Variants in IPCEF1 observed in about 807,000 individuals in gnomAD.
IPCEF1 encodes interactor protein for cytohesin exchange factors 1.
In IPCEF1, 31 loss-of-function variants were observed where a neutral mutation model predicts 50.9. The observed-to-expected ratio is 0.61, with a 90% CI of 0.46 to 0.82. The LOEUF (loss-of-function observed/expected upper bound fraction) is 0.82. Ranked by LOEUF, IPCEF1 falls within the 40% of genes least tolerant of loss-of-function variation. The pLI, the probability that IPCEF1 is intolerant of heterozygous loss-of-function variation, is 0.00. For missense variants in IPCEF1, 458 were observed against 514.0 expected, an observed-to-expected ratio of 0.89 and a Z score of 1.05; for synonymous variants, 181 against 192.0, an observed-to-expected ratio of 0.94 and a Z score of 0.47.
At chr6:154,214,341 C>A in intron 7 of IPCEF1, 65 bp from the exon 8 acceptor site, 1 of 1,081,854 alleles carries the variant, frequency 9.2e-7, no homozygotes, top group Non-Finnish European at 1.4e-6. Context: ...TCACCTTCCC[C>A]CAGAGTTTGT....
intron 2 of IPCEF1, among the ~76,000 whole-genome samples, chr6:154,267,016 C>T (rs1395089921): frequency 6.6e-6 from 1 of 152,024 alleles, no homozygotes; most frequent in Non-Finnish European, 1.5e-5. Flanking sequence ...GTAATGGAAA[C>T]TCCTTTTTCA....
intron 1 of IPCEF1, among the ~76,000 whole-genome samples, chr6:154,354,506 T>TCTCCTCCACCAC (rs1584018981): frequency 6.0e-4 from 22 of 36,692 alleles, no homozygotes; most frequent in African/African-American, 1.8e-3. Flanking sequence ...ACTTCCACCA[T>TCTCCTCCACCAC]CACCTCTACC....
At chr6:154,241,234 C>CAAAAAAAAAAAAAAAAAAAAAAAAAAAAA (rs11308882) in intron 5 of IPCEF1, among the ~76,000 whole-genome samples, 1 of 79,234 alleles carries the variant, frequency 1.3e-5, no homozygotes, top group Non-Finnish European at 2.5e-5. Context: ...GACTCCATCT[C>CAAAAAAAAAAAAAAAAAAAAAAAAAAAAA]AAAAAAAAAA....
intron 10 of IPCEF1, among the ~76,000 whole-genome samples, chr6:154,183,999 A>G (rs886407968): frequency 2.0e-5 from 3 of 152,166 alleles, no homozygotes; most frequent in African/African-American, 7.2e-5. Flanking sequence ...TCAAGTACAC[A>G]ATGTAGTACT....
At chr6:154,264,394 G>A (rs1781699077) in intron 3 of IPCEF1, among the ~76,000 whole-genome samples, 2 of 151,906 alleles carry the variant, frequency 1.3e-5, no homozygotes, top group East Asian at 1.9e-4. Flanking sequence ...TTTTAATTGA[G>A]ATGGAGTAAC....
At chr6:154,353,574 C>T (rs906391448) in intron 1 of IPCEF1, among the ~76,000 whole-genome samples, 1 of 152,122 alleles carries the variant, frequency 6.6e-6, no homozygotes, top group East Asian at 1.9e-4. Flanking sequence ...GGCATGAGAG[C>T]CACCGCACCC....
At chr6:154,218,637 C>CT (rs1447116496) in intron 7 of IPCEF1, among the ~76,000 whole-genome samples, 1 of 152,206 alleles carries the variant, frequency 6.6e-6, no homozygotes, top group Non-Finnish European at 1.5e-5. Context: ...AAGTAAATCT[C>CT]TATCATCTGC....
intron 10 of IPCEF1, among the ~76,000 whole-genome samples, chr6:154,197,945 G>T (rs1377324121): frequency 2.6e-5 from 4 of 152,154 alleles, no homozygotes; most frequent in African/African-American, 7.2e-5. Context: ...AGTTTCACCA[G>T]TCCTATATCT....
chr6:154,324,611 C>G (rs1293497156), intron 1 of IPCEF1, among the ~76,000 whole-genome samples: 1 of 152,060 alleles, frequency 6.6e-6, no homozygotes, highest in Non-Finnish European at 1.5e-5. Flanking sequence ...AGTTTGAGAC[C>G]AGCCTGGCCA....
intron 2 of IPCEF1, among the ~76,000 whole-genome samples, chr6:154,272,324 A>G (rs1371885419): frequency 6.6e-6 from 1 of 152,248 alleles, no homozygotes; most frequent in Non-Finnish European, 1.5e-5. Flanking sequence ...AACAAGTGTG[A>G]TAACAGGTTT....
intron 10 of IPCEF1, among the ~76,000 whole-genome samples, chr6:154,182,762 C>T (rs1258847043): frequency 6.6e-6 from 1 of 152,058 alleles, no homozygotes; most frequent in African/African-American, 2.4e-5. Flanking sequence ...AATATGTTAG[C>T]TGTGGCACCA....
rs371076623 is a variant in IPCEF1, at chr6:154,287,990, C to T, written c.-18+1723G>A. 2.6e-4 allele frequency among the ~76,000 whole-genome samples: 40 copies of T among 152,306 alleles called. 1 individual carries two copies. The highest frequency in any genetic ancestry group is 5.4e-4 in the Non-Finnish European group (37 of 68,026). On this transcript the variant is annotated intron_variant, in intron 2 of 11. Transcript: ENST00000367220. The stretch of plus-strand genomic sequence containing the variant: ...TTACTGCCTGACTCATCAGTAAATG[C>T]GTATCTTTTATATACATGTTGAAAC...
At chr6:154,236,500 T>A (rs563033947) in intron 5 of IPCEF1, among the ~76,000 whole-genome samples, 1 of 152,264 alleles carries the variant, frequency 6.6e-6, no homozygotes, top group East Asian at 1.9e-4. Flanking sequence ...AATAAGAAAT[T>A]AAGCAATGCC....
At chr6:154,220,858 G>C (rs751276928) in intron 7 of IPCEF1, among the ~76,000 whole-genome samples, 1 of 152,198 alleles carries the variant, frequency 6.6e-6, no homozygotes, top group Non-Finnish European at 1.5e-5. Flanking sequence ...TGATAAATAC[G>C]TGAATCATCA....
chr6:154,161,034 C>A (rs183915838), intron 11 of IPCEF1, among the ~76,000 whole-genome samples: 2 of 152,134 alleles, frequency 1.3e-5, no homozygotes, highest in Non-Finnish European at 2.9e-5. Context: ...TTTGACTTCC[C>A]AGTCTAATGT....
chr6:154,330,722 T>C (rs1453243928), intron 1 of IPCEF1, among the ~76,000 whole-genome samples: 3 of 152,198 alleles, frequency 2.0e-5, no homozygotes, highest in African/African-American at 7.2e-5. Context: ...CACAAGTATG[T>C]TCAGCTGTGG....
At chr6:154,334,891 T>C (rs1313599985) in intron 1 of IPCEF1, among the ~76,000 whole-genome samples, 1 of 152,100 alleles carries the variant, frequency 6.6e-6, no homozygotes, top group Non-Finnish European at 1.5e-5. Context: ...GTCTCTCTGA[T>C]TTTCCCCCAC....
chr6:154,206,353 T>G (rs1024350345), intron 9 of IPCEF1, among the ~76,000 whole-genome samples: 1 of 152,212 alleles, frequency 6.6e-6, no homozygotes, highest in African/African-American at 2.4e-5. Context: ...AGTATATTTC[T>G]CATTCACATG....
chr6:154,335,345 G>C (rs2128695436), intron 1 of IPCEF1, among the ~76,000 whole-genome samples: 1 of 152,264 alleles, frequency 6.6e-6, no homozygotes. Context: ...ATGAGCTTCT[G>C]AACCCCAATG....
Sources: gnomAD v4.1 joint callset for allele counts (sites outside exome capture counted in the v4.1 genomes callset) on GRCh38, gnomAD v4.1.1 for gene constraint, MANE v1.5 for transcripts, NCBI Gene and HGNC (gene_info 2026-07-23, HGNC 2026-07-21) for gene names.